The following SYNE1 variants were observed in gnomAD, a reference collection of about 807,000 sequenced individuals.
SYNE1 encodes spectrin repeat containing nuclear envelope protein 1.
Under a neutral mutation model 1,111.0 loss-of-function variants are expected in SYNE1, and 616 were observed. The observed-to-expected ratio is 0.55, with a 90% confidence interval of 0.52 to 0.59. SYNE1 has a LOEUF of 0.59. SYNE1 is among the 20% of genes least tolerant of loss of function. The probability of loss-of-function intolerance (pLI) is 0.00; values close to 1 mark genes in which losing one functional copy is unlikely to be tolerated. For synonymous variants in SYNE1, 3,855 were observed against 3,825.8 expected (o/e 1.01, Z -0.28); for missense variants, 10,006 against 10,417.0 (o/e 0.96, Z 1.72).
chr6:152,125,087 A>C (rs960618467), intron 145 of SYNE1, among the ~76,000 whole-genome samples: 3 of 152,226 alleles, frequency 2.0e-5, no homozygotes, highest in Non-Finnish European at 4.4e-5. Context: ...TAACTACCAG[A>C]ACCTGGAGAC....
intron 28 of SYNE1, 40 bp downstream of exon 28, chr6:152,449,493 T>C (rs2098629272): frequency 6.4e-6 from 9 of 1,400,768 alleles, no homozygotes; most frequent in Non-Finnish European, 9.1e-6. Flanking sequence ...TCTTCCACTA[T>C]GAGAAATTTT....
intron 121 of SYNE1, among the ~76,000 whole-genome samples, chr6:152,216,543 A>G (rs1254726845): frequency 6.6e-6 from 1 of 152,110 alleles, no homozygotes. Flanking sequence ...AGGAAATATC[A>G]CGGGCACAGT....
intron 70 of SYNE1, among the ~76,000 whole-genome samples, chr6:152,351,036 T>G (rs577969116): frequency 1.5e-3 from 223 of 152,334 alleles, no homozygotes; most frequent in Non-Finnish European, 2.3e-3. Flanking sequence ...AAATTAAATA[T>G]AGTTTATATT....
chr6:152,430,706 T>C lies in SYNE1; in HGVS notation c.4465A>G (p.Thr1489Ala), dbSNP rs1309850500. 1.2e-6 allele frequency: 2 copies of C among 1,613,892 alleles called. No individual in the cohort carries two copies. The highest frequency in any genetic ancestry group is 2.2e-5 in the East Asian group (1 of 44,870). The change falls in exon 35 of 146, where the codon ACA becomes GCA. Residue 1489 changes from threonine to alanine, a missense_variant. This residue lies in a region of SYNE1 where 1,971 missense variants were observed against 2,084.1 expected (regional missense o/e 0.95). Transcript: ENST00000367255. ...MDMQISQIKV[T>A]IQEIESKLSS... is the part of the protein sequence containing the mutation. ...AGCTTACTTTCTATTTCCTGAATTG[T>C]GACCTAATAGTTAAAACAAGAAAAA...
At chr6:152,207,820 G>A (rs556311027) in intron 125 of SYNE1, 152 bp downstream of exon 125, 3 of 804,050 alleles carry the variant, frequency 3.7e-6, no homozygotes, top group Admixed American at 4.0e-5. Flanking sequence ...GCTTTGTATT[G>A]CAATCATTTT....
chr6:152,156,319 T>C (rs545551388), intron 131 of SYNE1, among the ~76,000 whole-genome samples: 2 of 152,264 alleles, frequency 1.3e-5, no homozygotes, highest in South Asian at 2.1e-4. Context: ...TGCCAAAATA[T>C]AAACTGAACA....
At chr6:152,456,272 T>G (rs1017851274) in intron 22 of SYNE1, among the ~76,000 whole-genome samples, 63 of 39,534 alleles carry the variant, frequency 1.6e-3, no homozygotes, top group African/African-American at 0.015. Context: ...TACAAAGAGT[T>G]TTTTTTTTTG....
chr6:152,378,985 C>G (rs2154110686), intron 56 of SYNE1, among the ~76,000 whole-genome samples: 1 of 152,300 alleles, frequency 6.6e-6, no homozygotes, highest in East Asian at 1.9e-4. Flanking sequence ...CAATTTCTCT[C>G]TGAAATTCCA....
intron 58 of SYNE1, 66 bp from the exon 59 acceptor site, chr6:152,373,285 C>CTTTT: frequency 8.6e-7 from 1 of 1,159,532 alleles, no homozygotes; most frequent in Non-Finnish European, 1.2e-6. Flanking sequence ...TTTTTCTTTT[C>CTTTT]TTTTTTTTTT....
chr6:152,243,425 A>G (rs1346105666), intron 106 of SYNE1, among the ~76,000 whole-genome samples: 1 of 152,208 alleles, frequency 6.6e-6, no homozygotes, highest in Non-Finnish European at 1.5e-5. Flanking sequence ...TTAGGAGATG[A>G]TGACACACCA....
chr6:152,171,464 C>G (rs2065187587), intron 130 of SYNE1, among the ~76,000 whole-genome samples: 1 of 152,130 alleles, frequency 6.6e-6, no homozygotes, highest in Non-Finnish European at 1.5e-5. Context: ...TACATTTTAG[C>G]AGAGAAAACA....
chr6:152,123,444 AC>A (rs2052166777), intron 145 of SYNE1, among the ~76,000 whole-genome samples: 2 of 152,226 alleles, frequency 1.3e-5, no homozygotes, highest in Admixed American at 6.5e-5. Flanking sequence ...ACTCAAAGTG[AC>A]AAGTTTTTCT....
intron 3 of SYNE1, among the ~76,000 whole-genome samples, chr6:152,627,164 C>T (rs990568985): frequency 3.3e-5 from 5 of 152,064 alleles, no homozygotes; most frequent in African/African-American, 9.7e-5. Context: ...TTGAATATAT[C>T]GTTAGGATTC....
At chr6:152,399,483 G>T (rs779131414) in intron 48 of SYNE1, 133 bp downstream of exon 48, 27 of 1,103,342 alleles carry the variant, frequency 2.4e-5, no homozygotes, top group African/African-American at 6.2e-5. Flanking sequence ...TGCTCAAATC[G>T]CAAAGCACAA....
In SYNE1 at chr6:152,362,250, T is replaced by A; in HGVS notation, c.10219A>T (p.Ser3407Cys). The A allele has an allele frequency of 6.2e-7, 1 of 1,614,230 alleles. No homozygotes were observed. Among genetic ancestry groups the A allele is most frequent in the Non-Finnish European group, 8.5e-7 (1 of 1,180,050 alleles). ...GATTCATTCAGGTTGGCTTCCATAC[T>A]ATCCATCCAACCGGAGAACTGTCGA... ...GVRQFSGWMDSMEANLNESER... is the reference protein window; with the variant it reads ...GVRQFSGWMDCMEANLNESER... Residue 3407 changes from serine to cysteine, a missense_variant, in exon 64 of 146, where the codon AGT (serine) becomes TGT (cysteine). Ser to Cys is a moderately radical substitution (Grantham distance 112). Around this residue, in one of 7 missense-constraint regions of SYNE1, gnomAD observed 4,955 missense variants for 5,017.2 expected, o/e 0.99. Coordinates refer to ENST00000367255, the MANE Select transcript of SYNE1 (RefSeq NM_182961.4).
chr6:152,250,163 C>G (rs1369617880), intron 104 of SYNE1, among the ~76,000 whole-genome samples: 1 of 151,426 alleles, frequency 6.6e-6, no homozygotes, highest in Non-Finnish European at 1.5e-5. Context: ...ACTTGGGAGG[C>G]TGAAGTGGAA....
At chr6:152,632,585 A>C (rs1169980819) in intron 2 of SYNE1, among the ~76,000 whole-genome samples, 2 of 152,186 alleles carry the variant, frequency 1.3e-5, no homozygotes, top group Non-Finnish European at 2.9e-5. Context: ...GAAGGTCCTC[A>C]ACAACTACCT....
At position 152,413,311 on chromosome 6, in the gene SYNE1, G is replaced by A. The variant is rs772846986; in HGVS notation, c.6230+41C>T. The A allele has an allele frequency of 8.1e-6, 13 of 1,606,556 alleles. No individual in the cohort carries two copies. In the Admixed American group the frequency reaches 2.0e-4, roughly 25 times the overall value. ...GCAATGTCCCAATGTCACATAATAA[G>A]TGGGAAGCTAAAAACAAGAACTGGG... On this transcript the variant is annotated intron_variant, in intron 42 of 145. Transcript: ENST00000367255.
intron 123 of SYNE1, 88 bp downstream of exon 123, chr6:152,213,524 G>A: frequency 6.9e-7 from 1 of 1,457,446 alleles, no homozygotes; most frequent in South Asian, 1.1e-5. Context: ...CAAAGGGCAT[G>A]ATTTTAATTC....
Sources: gnomAD v4.1 joint callset for allele counts (sites outside exome capture counted in the v4.1 genomes callset) on GRCh38, gnomAD v4.1.1 for gene constraint, gnomAD v4.1.1 regional missense constraint, MANE v1.5 for transcripts, NCBI Gene and HGNC (gene_info 2026-07-23, HGNC 2026-07-21) for gene names.